CFAP44: variants seen among roughly 807,000 people sequenced by gnomAD.
CFAP44 encodes the protein cilia- and flagella-associated protein 44.
In CFAP44, 134 loss-of-function variants were observed where a neutral mutation model predicts 216.2. That is an observed-to-expected ratio of 0.62 (90% CI 0.54 to 0.72). The LOEUF (loss-of-function observed/expected upper bound fraction) is 0.72, where lower values mean the gene tolerates loss of function less well. CFAP44 is among the 30% of genes least tolerant of loss of function. The pLI, the probability that CFAP44 is intolerant of heterozygous loss-of-function variation, is 0.00. For synonymous variants in CFAP44, 700 were observed against 727.6 expected (o/e 0.96, Z 0.61); for missense variants, 2,035 against 2,182.1 (o/e 0.93, Z 1.34).
Position 113,358,837 on chromosome 3 carries a change from G to A in CFAP44, c.2973C>T (p.His991=). The A allele has an allele frequency of 1.3e-6, 2 of 1,536,504 alleles. No individual in the cohort carries two copies. The highest frequency in any genetic ancestry group is 1.7e-6 in the Non-Finnish European group (2 of 1,146,448). The change falls in exon 22 of 35, where the codon CAC becomes CAT. Residue 991 remains histidine (H), a synonymous_variant. Coordinates refer to ENST00000393845, the MANE Select transcript of CFAP44 (RefSeq NM_001164496.2). The part of the protein sequence containing the change: ...DVDSQIRAEM[H]RKTAFKIQQV... ...GTTGAATTTTGAAAGCTGTTTTTCTGTGCATCTCAGCACGGATTTGGGAAT... is the reference window on the plus strand; with the variant it reads ...GTTGAATTTTGAAAGCTGTTTTTCTATGCATCTCAGCACGGATTTGGGAAT...
intron 17 of CFAP44, among the ~76,000 whole-genome samples, chr3:113,374,629 T>G (rs911761611): frequency 6.6e-6 from 1 of 151,910 alleles, no homozygotes; most frequent in African/African-American, 2.4e-5. Flanking sequence ...ACAATCCAAG[T>G]GTCTATTTTT....
In CFAP44 at chr3:113,291,485, G is replaced by A; in HGVS notation, c.*72C>T. The A allele has an allele frequency of 2.1e-6, 3 of 1,462,350 alleles. No individual in the cohort carries two copies. Among genetic ancestry groups the A allele is most frequent in the Non-Finnish European group, 2.7e-6 (3 of 1,092,950 alleles). 90.6% of individuals were successfully genotyped at this position (1,462,350 alleles called of 1,614,324 possible). ...TCAGTTTAAAGTAATAAGATTGTTG[G>A]AGGTGATGAGGAGACAGAACTTCCA... On this transcript the variant is annotated 3_prime_UTR_variant, in exon 35 of 35. Transcript: ENST00000393845.
intron 10 of CFAP44, 104 bp downstream of exon 10, chr3:113,401,478 CAT>C: frequency 2.2e-6 from 3 of 1,377,870 alleles, no homozygotes; most frequent in Non-Finnish European, 3.0e-6. Flanking sequence ...TAAGCAATCT[CAT>C]AACACTTACA....
intron 1 of CFAP44, 36 bp downstream of exon 1, chr3:113,441,417 G>T (rs138366746): frequency 1.0e-6 from 1 of 985,798 alleles, no homozygotes; most frequent in Admixed American, 6.1e-5. Flanking sequence ...AAGGGGGAGG[G>T]TGTGGAAACT....
intron 28 of CFAP44, among the ~76,000 whole-genome samples, chr3:113,317,311 C>T (rs908130766): frequency 1.3e-5 from 2 of 152,224 alleles, no homozygotes; most frequent in Non-Finnish European, 2.9e-5. Flanking sequence ...CAGAGAGCGG[C>T]CATAGACACT....
At chr3:113,409,031 T>G (rs1576595336) in intron 7 of CFAP44, 75 bp downstream of exon 7, 4 of 504,992 alleles carry the variant, frequency 7.9e-6, no homozygotes, top group East Asian at 7.2e-5. Context: ...AAAAAAAAAG[T>G]CTCCAGCTCT....
intron 16 of CFAP44, among the ~76,000 whole-genome samples, chr3:113,380,134 C>T (rs1271168759): frequency 6.6e-6 from 1 of 152,044 alleles, no homozygotes; most frequent in Non-Finnish European, 1.5e-5. Flanking sequence ...TGCACTGCAC[C>T]CACTAACTCG....
chr3:113,336,916 G>GA (rs1950286393), intron 24 of CFAP44, among the ~76,000 whole-genome samples: 1 of 151,784 alleles, frequency 6.6e-6, no homozygotes, highest in Non-Finnish European at 1.5e-5. Flanking sequence ...AAGGAACAAA[G>GA]TGTGGATGCT....
chr3:113,410,630 T>G, intron 6 of CFAP44, among the ~76,000 whole-genome samples: 1 of 152,170 alleles, frequency 6.6e-6, no homozygotes. Context: ...GTCTTTATAG[T>G]AGCATGATTT....
At chr3:113,338,235 C>T (rs1950297865) in intron 24 of CFAP44, among the ~76,000 whole-genome samples, 1 of 102,528 alleles carries the variant, frequency 9.8e-6, no homozygotes, top group African/African-American at 3.9e-5. Context: ...CCAGCCTGGA[C>T]AACACACGAG....
chr3:113,436,497 T>G (rs1335420835), intron 1 of CFAP44, among the ~76,000 whole-genome samples: 1 of 152,200 alleles, frequency 6.6e-6, no homozygotes, highest in Non-Finnish European at 1.5e-5. Context: ...AATCAACAAT[T>G]CTCTTTCAAA....
intron 15 of CFAP44, among the ~76,000 whole-genome samples, chr3:113,390,276 G>T (rs1317556363): frequency 6.6e-6 from 1 of 152,068 alleles, no homozygotes; most frequent in Non-Finnish European, 1.5e-5. Context: ...TGCTGAAAAT[G>T]CACTTGATAA....
At chr3:113,378,129 C>T (rs1933403033) in intron 17 of CFAP44, among the ~76,000 whole-genome samples, 1 of 152,090 alleles carries the variant, frequency 6.6e-6, no homozygotes, top group South Asian at 2.1e-4. Flanking sequence ...TCCCAATCTT[C>T]CCAATTATGT....
Position 113,286,951 on chromosome 3 carries a change from T to C in CFAP44, c.*4606A>G. The C allele has an allele frequency of 1.6e-6, 2 of 1,246,066 alleles. No individual in the cohort carries two copies. The highest frequency in any genetic ancestry group is 2.2e-6 in the Non-Finnish European group (2 of 902,758). The allele number at this position is 1,246,066 out of a possible 1,614,324, so 77.2% of individuals were successfully genotyped here. On this transcript the variant is annotated 3_prime_UTR_variant, in exon 35 of 35. Coordinates refer to ENST00000393845, the MANE Select transcript of CFAP44 (RefSeq NM_001164496.2). ...AAGAGACAGAGAAAATTGGTATTTA[T>C]TTTTCTATTATAGCCATATTTATAT...
In CFAP44 at chr3:113,403,836, T is replaced by A; in HGVS notation, c.1170+16A>T. ...TTAAACGTGGGTGCTACCATCCAAG[T>A]ATCGAGAAAACTTACCCTAACATAT... On this transcript the variant is annotated intron_variant, in intron 9 of 34. Transcript: ENST00000393845. The A allele has an allele frequency of 6.2e-7, 1 of 1,608,840 alleles. No individual in the cohort carries two copies. Among genetic ancestry groups the A allele is most frequent in the South Asian group, 1.1e-5 (1 of 90,240 alleles).
At position 113,409,338 on chromosome 3, in the gene CFAP44, GA is replaced by G; in HGVS notation, c.674-17del. ...TCAGTCCCATCTGGAAGGATAAATGGAAGCCTAATAAATAAGGACACATTTA... is the reference window on the plus strand; with the variant it reads ...TCAGTCCCATCTGGAAGGATAAATGGAGCCTAATAAATAAGGACACATTTA... On this transcript the variant is annotated splice_polypyrimidine_tract_variant and intron_variant, in intron 6 of 34. Transcript: ENST00000393845. The G allele has an allele frequency of 6.2e-7, 1 of 1,603,782 alleles. No individual in the cohort carries two copies. Among genetic ancestry groups the G allele is most frequent in the Non-Finnish European group, 8.5e-7 (1 of 1,171,992 alleles).
At position 113,420,178 on chromosome 3, in the gene CFAP44, G is replaced by A. The variant is rs1435412239; in HGVS notation, c.409C>T (p.His137Tyr). 2 of 1,606,570 alleles carry A rather than the reference G, an allele frequency of 1.2e-6. No homozygotes were observed. Among genetic ancestry groups the A allele is most frequent in the Admixed American group, 1.7e-5 (1 of 59,146 alleles). The change falls in exon 5 of 35, where the codon CAT becomes TAT. Residue 137 changes from histidine to tyrosine, a missense_variant and splice_region_variant. This residue lies in a region of CFAP44 where 3 missense variants were observed against 16.6 expected (regional missense o/e 0.18). Coordinates refer to ENST00000393845, the MANE Select transcript of CFAP44 (RefSeq NM_001164496.2). ...NIPLDLLTLVHSFGYDCRKRA... is the reference protein window; with the variant it reads ...NIPLDLLTLVYSFGYDCRKRA... ...TTTCTACAGTCATAACCAAAAGAAT[G>A]TCTGAGGGAAAGTTGCTAAGGAAAA... is the stretch of plus-strand genomic sequence containing the variant.
At chr3:113,300,316 G>T (rs1275822545) in intron 32 of CFAP44, among the ~76,000 whole-genome samples, 1 of 152,050 alleles carries the variant, frequency 6.6e-6, no homozygotes, top group Non-Finnish European at 1.5e-5. Context: ...GGATACTATG[G>T]TGAATAATAA....
At chr3:113,297,737 A>G (rs1462399035) in intron 32 of CFAP44, among the ~76,000 whole-genome samples, 1 of 152,218 alleles carries the variant, frequency 6.6e-6, no homozygotes, top group East Asian at 1.9e-4. Context: ...ATGTGAGAAC[A>G]CTAGAACACC....
Sources: allele counts gnomAD v4.1 joint callset (sites outside exome capture counted in the v4.1 genomes callset), GRCh38; gene constraint gnomAD v4.1.1; regional missense constraint gnomAD v4.1.1; transcripts MANE v1.5; gene names NCBI Gene and HGNC (gene_info 2026-07-23, HGNC 2026-07-21).